The following GALNT18 variants were observed in gnomAD, a reference collection of about 807,000 sequenced individuals.
The protein encoded by GALNT18 is GalNAc-transferase 18.
GALNT18 carries 44 observed loss-of-function variants against 69.5 expected under a neutral mutation model. That is an observed-to-expected ratio of 0.63 (90% CI 0.50 to 0.81). The LOEUF (loss-of-function observed/expected upper bound fraction) is 0.81, where lower values mean the gene tolerates loss of function less well. Ranked by LOEUF, GALNT18 falls within the 40% of genes least tolerant of loss-of-function variation. The probability of loss-of-function intolerance (pLI) is 0.00; values close to 1 mark genes in which losing one functional copy is unlikely to be tolerated. For synonymous variants in GALNT18, 364 were observed against 318.2 expected, an observed-to-expected ratio of 1.14 and a Z score of -1.53; for missense variants, 715 against 810.0, an observed-to-expected ratio of 0.88 and a Z score of 1.42.
At chr11:11,403,812 C>T (rs538501173) in intron 3 of GALNT18, among the ~76,000 whole-genome samples, 12 of 152,328 alleles carry the variant, frequency 7.9e-5, no homozygotes, top group South Asian at 2.1e-4. Context: ...AGAGTGCTGA[C>T]GGTCTGTGGG....
In GALNT18 at chr11:11,448,763, GCAGGGGCCGGTC is replaced by G; in HGVS notation, c.397_408del (p.Asp133_Leu136del). ...GCTCACCCACTGGGTCTGAGGTCAG[GCAGGGGCCGGTC>G]CAGGGGCAGGCGGTCGCTGAGGTAG... On this transcript the variant is annotated inframe_deletion, in exon 2 of 11. Transcript: ENST00000227756. 1 of 1,612,180 alleles carries G rather than the reference GCAGGGGCCGGTC, an allele frequency of 6.2e-7. No homozygotes were observed. The highest frequency in any genetic ancestry group is 8.5e-7 in the Non-Finnish European group (1 of 1,179,342).
intron 3 of GALNT18, among the ~76,000 whole-genome samples, chr11:11,419,700 A>C (rs2200565): frequency 0.52 from 79,254 of 150,968 alleles, 22,950 homozygotes; most frequent in East Asian, 0.82. Context: ...CAATATGATT[A>C]TCAGGATTTC....
chr11:11,558,089 A>T (rs1858375841), intron 1 of GALNT18, among the ~76,000 whole-genome samples: 1 of 152,158 alleles, frequency 6.6e-6, no homozygotes, highest in Non-Finnish European at 1.5e-5. Flanking sequence ...TTCCTGGATA[A>T]GCTCCCCACA....
chr11:11,284,908 G>GTTTTTTTTTTTTTTTTTTTTT (rs58795517), intron 10 of GALNT18, among the ~76,000 whole-genome samples: 6 of 82,820 alleles, frequency 7.2e-5, no homozygotes, highest in African/African-American at 3.0e-4. Context: ...AGACTTTCGT[G>GTTTTTTTTTTTTTTTTTTTTT]TTTTTTTTTT....
intron 1 of GALNT18, among the ~76,000 whole-genome samples, chr11:11,568,153 C>T (rs74757237): frequency 0.08 from 12,241 of 152,246 alleles, 1,031 homozygotes; most frequent in East Asian, 0.2. Context: ...GATCACAAAA[C>T]GAGAAAGTAT....
At chr11:11,271,696 C>T (rs545199570) in intron 10 of GALNT18, among the ~76,000 whole-genome samples, 6 of 151,368 alleles carry the variant, frequency 4.0e-5, no homozygotes, top group African/African-American at 1.2e-4. Context: ...GGGCTTCCTG[C>T]TCCTAGGGTC....
intron 1 of GALNT18, among the ~76,000 whole-genome samples, chr11:11,476,784 C>T (rs551903935): frequency 6.6e-6 from 1 of 152,244 alleles, no homozygotes; most frequent in South Asian, 2.1e-4. Context: ...GCCCACATAA[C>T]AAGAAAGTTA....
chr11:11,600,076 G>A lies in GALNT18; in HGVS notation c.235+21283C>T, dbSNP rs541387325. Among the ~76,000 whole-genome samples the A allele has an allele frequency of 3.9e-5, 6 of 152,060 alleles. No individual in the cohort carries two copies. The South Asian group carries it at 8.3e-4, about 21-fold the overall frequency. On this transcript the variant is annotated intron_variant, in intron 1 of 10. Transcript: ENST00000227756. The surrounding 1 kb of genome is among the most constrained non-coding windows in gnomAD (Gnocchi z 4.8). ...CCTCCTCCATATTTTTGTGCTTCCTGTTAATATATATTACATTTCTATATA... is the reference window on the plus strand; with the variant it reads ...CCTCCTCCATATTTTTGTGCTTCCTATTAATATATATTACATTTCTATATA...
intron 10 of GALNT18, among the ~76,000 whole-genome samples, chr11:11,275,702 T>C (rs1848929414): frequency 6.6e-6 from 1 of 152,216 alleles, no homozygotes; most frequent in Non-Finnish European, 1.5e-5. Flanking sequence ...CTTGAGTTGA[T>C]TTTTGTAGAA....
rs1235893138 is a variant in GALNT18 at position 11,618,858 on chromosome 11, G to C, written c.235+2501C>G. 2.0e-5 allele frequency among the ~76,000 whole-genome samples: 3 copies of C among 152,136 alleles called. No individual in the cohort carries two copies. Among genetic ancestry groups the C allele is most frequent in the Admixed American group, 6.5e-5 (1 of 15,278 alleles). ...TTATTATTACCGCTTATTCCCTCCAGTTCAGCAAAGTAAACTGGATTGTTC... is the reference window on the plus strand; with the variant it reads ...TTATTATTACCGCTTATTCCCTCCACTTCAGCAAAGTAAACTGGATTGTTC... On this transcript the variant is annotated intron_variant, in intron 1 of 10. Transcript: ENST00000227756. This position sits in a 1 kb window ranked among gnomAD's most constrained non-coding sequence, Gnocchi z 6.1.
rs566526686 is a variant in GALNT18, at chr11:11,415,087, T to C, written c.595+17534A>G. 6.6e-6 allele frequency among the ~76,000 whole-genome samples: 1 copy of C among 152,320 alleles called. No homozygotes were observed. Among genetic ancestry groups the C allele is most frequent in the Non-Finnish European group, 1.5e-5 (1 of 68,026 alleles). On this transcript the variant is annotated intron_variant, in intron 3 of 10. Coordinates refer to ENST00000227756, the MANE Select transcript of GALNT18 (RefSeq NM_198516.3). The surrounding 1 kb of genome is among the most constrained non-coding windows in gnomAD (Gnocchi z 4.1). ...GCAACAAGAGGCTGCCCAATCTCCTTGCCGCATGGACAGTTCACAGCATGG... is the reference window on the plus strand; with the variant it reads ...GCAACAAGAGGCTGCCCAATCTCCTCGCCGCATGGACAGTTCACAGCATGG...
chr11:11,500,010 A>C lies in GALNT18; in HGVS notation c.236-51074T>G, dbSNP rs1456719162. On this transcript the variant is annotated intron_variant, in intron 1 of 10. Transcript: ENST00000227756. This position sits in a 1 kb window ranked among gnomAD's most constrained non-coding sequence, Gnocchi z 5.0. ...ATCAAAGAGAAAGATGCAGTCCTAG[A>C]GACACAGAGAAAGAAAAAAGATCAA... Among the ~76,000 whole-genome samples the C allele has an allele frequency of 6.6e-6, 1 of 152,248 alleles. No individual in the cohort carries two copies. Among genetic ancestry groups the C allele is most frequent in the Non-Finnish European group, 1.5e-5 (1 of 68,046 alleles).
intron 3 of GALNT18, among the ~76,000 whole-genome samples, chr11:11,385,682 G>A (rs1854039813): frequency 6.6e-6 from 1 of 152,156 alleles, no homozygotes; most frequent in African/African-American, 2.4e-5. Context: ...AAATGCTGTG[G>A]AGTTACCATC....
chr11:11,464,343 G>A (rs1856112276), intron 1 of GALNT18, among the ~76,000 whole-genome samples: 1 of 152,194 alleles, frequency 6.6e-6, no homozygotes, highest in Non-Finnish European at 1.5e-5. Flanking sequence ...GATCTAAGGA[G>A]GACTCTGCTC....
At chr11:11,310,601 T>C (rs1849655823) in intron 9 of GALNT18, among the ~76,000 whole-genome samples, 1 of 152,164 alleles carries the variant, frequency 6.6e-6, no homozygotes, top group East Asian at 1.9e-4. Context: ...CCCATACGTG[T>C]TTCTGCATTT....
chr11:11,357,714 C>T (rs918717483), intron 6 of GALNT18, among the ~76,000 whole-genome samples: 6 of 152,080 alleles, frequency 3.9e-5, no homozygotes, highest in Non-Finnish European at 7.4e-5. Flanking sequence ...ATCTGTAAAC[C>T]GGTGACAGTA....
In GALNT18 at chr11:11,464,449, C is replaced by G. The variant is rs368109778; in HGVS notation, c.236-15513G>C. Among the ~76,000 whole-genome samples the G allele has an allele frequency of 1.7e-4, 26 of 152,238 alleles. No homozygotes were observed. In the South Asian group the frequency reaches 5.4e-3, roughly 32 times the overall value. ...CCCTGATGCACAGCCTGTCTTGGTC[C>G]CATGAACATCTCCTCTTCAGGAAGG... On this transcript the variant is annotated intron_variant, in intron 1 of 10. Transcript: ENST00000227756.
Position 11,470,704 on chromosome 11 carries a change from C to G in GALNT18, c.236-21768G>C, listed in dbSNP as rs754602832. The stretch of plus-strand genomic sequence containing the variant: ...GGGTCCCTTGGCAAATTCTCAGACC[C>G]CTTCCTTCCAGAGAGCTTCTTCCTG... On this transcript the variant is annotated intron_variant, in intron 1 of 10. Transcript: ENST00000227756. The surrounding 1 kb of genome is among the most constrained non-coding windows in gnomAD (Gnocchi z 4.8). 6.6e-6 allele frequency among the ~76,000 whole-genome samples: 1 copy of G among 152,140 alleles called. No homozygotes were observed. The highest frequency in any genetic ancestry group is 1.5e-5 in the Non-Finnish European group (1 of 68,028).
At position 11,387,236 on chromosome 11, in the gene GALNT18, T is replaced by C. The variant is rs1241763761; in HGVS notation, c.596-7972A>G. On this transcript the variant is annotated intron_variant, in intron 3 of 10. Coordinates refer to ENST00000227756, the MANE Select transcript of GALNT18 (RefSeq NM_198516.3). The surrounding 1 kb of genome is among the most constrained non-coding windows in gnomAD (Gnocchi z 4.6). ...CGGTCCTTCCCTTTCCAGCTGCTTT[T>C]CGTTTCTCTACTTGGCCATCTTTGG... Among the ~76,000 whole-genome samples, 1 of 152,210 alleles carries C rather than the reference T, an allele frequency of 6.6e-6. No individual in the cohort carries two copies. Among genetic ancestry groups the C allele is most frequent in the African/African-American group, 2.4e-5 (1 of 41,452 alleles).
Sources: gnomAD v4.1 joint callset for allele counts (sites outside exome capture counted in the v4.1 genomes callset) on GRCh38, gnomAD v4.1.1 for gene constraint, Gnocchi (gnomAD v3.1) non-coding constraint, MANE v1.5 for transcripts, NCBI Gene and HGNC (gene_info 2026-07-23, HGNC 2026-07-21) for gene names.